REXO5: variants seen among roughly 807,000 people sequenced by gnomAD.
REXO5 encodes exonuclease NEF-sp.
REXO5 carries 48 observed loss-of-function variants against 88.5 expected under a neutral mutation model. That is an observed-to-expected ratio of 0.54 (90% CI 0.43 to 0.69). REXO5 has a LOEUF of 0.69. Ranked by LOEUF, REXO5 falls within the 30% of genes least tolerant of loss-of-function variation. The probability of loss-of-function intolerance (pLI) is 0.00; values close to 1 mark genes in which losing one functional copy is unlikely to be tolerated. For synonymous variants in REXO5, 311 were observed against 336.5 expected (o/e 0.92, Z 0.83); for missense variants, 749 against 912.2 (o/e 0.82, Z 2.30).
At chr16:20,825,059 T>C (rs1354281556) in intron 7 of REXO5, among the ~76,000 whole-genome samples, 3 of 152,184 alleles carry the variant, frequency 2.0e-5, no homozygotes, top group Non-Finnish European at 4.4e-5. Context: ...ATCAGGTCTT[T>C]GCATGTTGCT....
rs1433964628 is a variant in REXO5 at position 20,844,031 on chromosome 16, G to T, written c.1719+5G>T. On this transcript the variant is annotated splice_donor_5th_base_variant and intron_variant, in intron 16 of 19. Coordinates refer to ENST00000261377, the MANE Select transcript of REXO5 (RefSeq NM_030941.3). ...GTAGATGGTATCTGCATCAAGGTAG[G>T]GTGACAAGAGAAAGCCCCCTTTGCT... 1 of 1,560,314 alleles carries T rather than the reference G, an allele frequency of 6.4e-7. No homozygotes were observed. The highest frequency in any genetic ancestry group is 8.8e-7 in the Non-Finnish European group (1 of 1,131,052).
intron 5 of REXO5, among the ~76,000 whole-genome samples, chr16:20,819,639 C>T (rs2081138382): frequency 6.6e-6 from 1 of 151,490 alleles, no homozygotes; most frequent in South Asian, 2.1e-4. Context: ...CCTGTAATCC[C>T]AGCTACTCAG....
At chr16:20,821,550 TC>T (rs913633383) in intron 5 of REXO5, among the ~76,000 whole-genome samples, 5 of 152,200 alleles carry the variant, frequency 3.3e-5, no homozygotes, top group Admixed American at 2.6e-4. Context: ...TGCCTCAGCC[TC>T]CCAAAGTGCT....
intron 13 of REXO5, among the ~76,000 whole-genome samples, chr16:20,836,163 A>G (rs1301245005): frequency 3.3e-5 from 5 of 152,232 alleles, no homozygotes; most frequent in South Asian, 2.1e-4. Flanking sequence ...CCACTATGAC[A>G]TATAATTACC....
At chr16:20,821,694 T>C (rs2081187999) in intron 5 of REXO5, 68 bp from the exon 6 acceptor site, 3 of 1,435,258 alleles carry the variant, frequency 2.1e-6, no homozygotes, top group Non-Finnish European at 2.8e-6. Flanking sequence ...CTATACAACC[T>C]TAGGAGACAT....
chr16:20,847,686 C>T (rs558080876), intron 19 of REXO5, among the ~76,000 whole-genome samples: 4 of 152,264 alleles, frequency 2.6e-5, no homozygotes, highest in African/African-American at 9.6e-5. Flanking sequence ...ATACTTTAAA[C>T]AGGCTTGTGG....
At chr16:20,833,220 A>C in intron 13 of REXO5, 97 bp downstream of exon 13, 1 of 1,297,416 alleles carries the variant, frequency 7.7e-7, no homozygotes, top group Admixed American at 2.5e-5. Context: ...TTCATCAGCA[A>C]CCCTGGCTAC....
At chr16:20,817,149 G>T (rs2081093551) in intron 5 of REXO5, among the ~76,000 whole-genome samples, 1 of 152,214 alleles carries the variant, frequency 6.6e-6, no homozygotes. Flanking sequence ...GAGGGAACAT[G>T]AAAAAGTAGT....
intron 5 of REXO5, among the ~76,000 whole-genome samples, chr16:20,819,415 T>C (rs1596576082): frequency 6.6e-6 from 1 of 151,270 alleles, no homozygotes; most frequent in East Asian, 1.9e-4. Flanking sequence ...TTCCTTTCCT[T>C]TCCTTCCTTT....
intron 2 of REXO5, among the ~76,000 whole-genome samples, chr16:20,808,249 G>A (rs1467623586): frequency 6.6e-6 from 1 of 152,182 alleles, no homozygotes; most frequent in East Asian, 1.9e-4. Flanking sequence ...GAATAAAAAG[G>A]CTGATTATCC....
At chr16:20,829,601 C>G (rs2081310264) in intron 11 of REXO5, among the ~76,000 whole-genome samples, 1 of 152,166 alleles carries the variant, frequency 6.6e-6, no homozygotes, top group African/African-American at 2.4e-5. Flanking sequence ...TCTAACAGAT[C>G]TTCTTTGAGC....
chr16:20,844,918 G>A, intron 17 of REXO5, 73 bp downstream of exon 17: 2 of 1,549,976 alleles, frequency 1.3e-6, no homozygotes, highest in South Asian at 1.1e-5. Flanking sequence ...TCAGAGAAAG[G>A]AAGATTCACC....
At chr16:20,835,806 G>A (rs569213412) in intron 13 of REXO5, among the ~76,000 whole-genome samples, 1 of 152,162 alleles carries the variant, frequency 6.6e-6, no homozygotes, top group Admixed American at 6.5e-5. Context: ...TCAGGACTTT[G>A]GGAGGCTGAG....
chr16:20,842,218 G>C (rs2081538534), intron 15 of REXO5, among the ~76,000 whole-genome samples: 1 of 151,292 alleles, frequency 6.6e-6, no homozygotes. Flanking sequence ...CCAGCCCCTG[G>C]TAATCATTGT....
rs1443156117 is a variant in REXO5, at chr16:20,808,478, G to A, written c.138+1387G>A. ...CATTGGTTTTTATTGTCTGCCATGTGCTGGGGCACTGACCTAGGTGCTTGG... is the reference window on the plus strand; with the variant it reads ...CATTGGTTTTTATTGTCTGCCATGTACTGGGGCACTGACCTAGGTGCTTGG... On this transcript the variant is annotated intron_variant, in intron 2 of 19. Coordinates refer to ENST00000261377, the MANE Select transcript of REXO5 (RefSeq NM_030941.3). Among the ~76,000 whole-genome samples, 5 of 151,900 alleles carry A rather than the reference G, an allele frequency of 3.3e-5. No homozygotes were observed. The East Asian group carries it at 9.7e-4, about 29-fold the overall frequency.
chr16:20,813,169 C>T lies in REXO5; in HGVS notation c.139-21C>T, dbSNP rs779560305. 1.5e-5 allele frequency: 22 copies of T among 1,491,232 alleles called. No individual in the cohort carries two copies. The East Asian group carries it at 3.2e-4, about 21-fold the overall frequency. The allele number at this position is 1,491,232 out of a possible 1,614,324, so 92.4% of individuals were successfully genotyped here. The stretch of plus-strand genomic sequence containing the variant: ...CTTGATAACCAATAATGGCTTGCTA[C>T]GCCCTGATTAATCTTTGCAGAAAGC... On this transcript the variant is annotated intron_variant, in intron 2 of 19. Transcript: ENST00000261377.
In REXO5 at chr16:20,844,706, A is replaced by C. The variant is rs1453478410; in HGVS notation, c.1797A>C (p.Gln599His). 2.5e-6 allele frequency: 4 copies of C among 1,614,226 alleles called. No homozygotes were observed. The highest frequency in any genetic ancestry group is 3.4e-6 in the Non-Finnish European group (4 of 1,180,040). The part of the protein sequence containing the change: ...VNELEGDSEN[Q>H]GSIYLSGVSE... ...AGCTGGAAGGAGATTCTGAAAACCAAGGCTCTATATATCTGTCTGGAGTGA... is the reference window on the plus strand; with the variant it reads ...AGCTGGAAGGAGATTCTGAAAACCACGGCTCTATATATCTGTCTGGAGTGA... The change falls in exon 17 of 20, where the codon CAA (glutamine) becomes CAC (histidine). Residue 599 changes from glutamine to histidine, a missense_variant. By Grantham distance (24) the Gln-to-His change is conservative (BLOSUM62 0). Transcript: ENST00000261377.
chr16:20,813,022 C>T (rs1034959390), intron 2 of REXO5, among the ~76,000 whole-genome samples, 168 bp from the exon 3 acceptor site: 3 of 152,222 alleles, frequency 2.0e-5, no homozygotes, highest in Non-Finnish European at 4.4e-5. Context: ...TAATGTCATA[C>T]CTACCACATA....
At chr16:20,815,654 A>G (rs2081071019) in intron 4 of REXO5, among the ~76,000 whole-genome samples, 1 of 152,206 alleles carries the variant, frequency 6.6e-6, no homozygotes, top group Non-Finnish European at 1.5e-5. Flanking sequence ...TATAAAATAG[A>G]TACTTTTTAA....
Sources: gnomAD v4.1 joint callset for allele counts (sites outside exome capture counted in the v4.1 genomes callset) on GRCh38, gnomAD v4.1.1 for gene constraint, MANE v1.5 for transcripts, NCBI Gene and HGNC (gene_info 2026-07-23, HGNC 2026-07-21) for gene names.